Variants in THBS2 observed in about 807,000 individuals in gnomAD.
THBS2 encodes the protein thrombospondin 2.
THBS2 carries 47 observed loss-of-function variants against 135.2 expected under a neutral mutation model. The ratio of observed to expected loss-of-function variants is 0.35; its 90% CI spans 0.28 to 0.44. The LOEUF (loss-of-function observed/expected upper bound fraction) is 0.44, where lower values mean the gene tolerates loss of function less well. Ranked by LOEUF, THBS2 falls within the 20% of genes least tolerant of loss-of-function variation. THBS2 has a pLI of 1.00. For synonymous variants in THBS2, 639 were observed against 633.8 expected, an observed-to-expected ratio of 1.01 and a Z score of -0.12; for missense variants, 1,288 against 1,603.1, an observed-to-expected ratio of 0.80 and a Z score of 3.36.
At chr6:169,219,882 C>A in intron 21 of THBS2, 1 of 572,636 alleles carries the variant, frequency 1.7e-6, no homozygotes, top group Admixed American at 1.9e-5. Flanking sequence ...GGGTACCAAT[C>A]TAAAATGGCG....
chr6:169,248,281 A>T, intron 3 of THBS2, 136 bp downstream of exon 3: 1 of 1,032,112 alleles, frequency 9.7e-7, no homozygotes, highest in Non-Finnish European at 1.4e-6. Flanking sequence ...GTGTGAGCAC[A>T]TGCCGGGATG....
At chr6:169,219,233 GTGGA>G (rs1206102566) in intron 21 of THBS2, among the ~76,000 whole-genome samples, 1 of 126,768 alleles carries the variant, frequency 7.9e-6, no homozygotes, top group African/African-American at 3.0e-5. Context: ...GGGTGGGTGG[GTGGA>G]TGGATTAGAT....
chr6:169,235,865 C>T (rs1160700719), intron 9 of THBS2, among the ~76,000 whole-genome samples: 1 of 121,946 alleles, frequency 8.2e-6, no homozygotes, highest in African/African-American at 3.2e-5. Context: ...CTCCCCTATC[C>T]ACACTCACTC....
intron 7 of THBS2, 142 bp from the exon 8 acceptor site, chr6:169,237,937 G>A: frequency 9.1e-7 from 1 of 1,096,708 alleles, no homozygotes; most frequent in Non-Finnish European, 1.3e-6. Flanking sequence ...TGGGGCAGGT[G>A]GACATCCCAG....
intron 21 of THBS2, among the ~76,000 whole-genome samples, chr6:169,219,355 G>GATGAGATGGATGA (rs1562352310): frequency 7.0e-6 from 1 of 143,204 alleles, no homozygotes; most frequent in Non-Finnish European, 1.5e-5. Flanking sequence ...TGGATGGATG[G>GATGAGATGGATGA]TTGGGTGAAT....
At chr6:169,242,739 A>C (rs1311637418) in intron 4 of THBS2, among the ~76,000 whole-genome samples, 4 of 90,004 alleles carry the variant, frequency 4.4e-5, no homozygotes, top group Non-Finnish European at 4.8e-5. Context: ...CCACCTTCCC[A>C]CCGCTCCCAC....
In THBS2 at chr6:169,252,728, T is replaced by C. The variant is rs1562367198; in HGVS notation, c.-23+996A>G. The stretch of plus-strand genomic sequence containing the variant: ...ATGGATGGAGCCACGGATGAGCCAG[T>C]GCCGCTCACCCCTGCCCCAGCCTCT... On this transcript the variant is annotated intron_variant, in intron 1 of 21. Transcript: ENST00000617924. This position sits in a 1 kb window ranked among gnomAD's most constrained non-coding sequence, Gnocchi z 4.3. Among the ~76,000 whole-genome samples the C allele has an allele frequency of 6.6e-6, 1 of 152,180 alleles. No homozygotes were observed. Among genetic ancestry groups the C allele is most frequent in the Admixed American group, 6.5e-5 (1 of 15,278 alleles).
chr6:169,240,529 C>T lies in THBS2; in HGVS notation c.955G>A (p.Ala319Thr). 6.2e-7 allele frequency: 1 copy of T among 1,614,050 alleles called. No individual in the cohort carries two copies. The highest frequency in any genetic ancestry group is 8.5e-7 in the Non-Finnish European group (1 of 1,180,030). Residue 319 changes from alanine (A) to threonine (T), a missense_variant, in exon 6 of 22, where the codon GCT becomes ACT. Physicochemically the swap from Ala to Thr is moderately conservative, Grantham distance 58. Transcript: ENST00000617924. Reference sequence around the variant, plus strand: ...AAGAACCGGCCATCCTGCCAGCAAGCTGACATGTTCCTTGTCTTAGGAGGG... The same window carrying T: ...AAGAACCGGCCATCCTGCCAGCAAGTTGACATGTTCCTTGTCTTAGGAGGG... The part of the protein sequence containing the change: ...GGPPKTRNMS[A>T]CWQDGRFFAE...
At chr6:169,219,797 C>T (rs923094450) in intron 21 of THBS2, 1 of 523,722 alleles carries the variant, frequency 1.9e-6, no homozygotes, top group Non-Finnish European at 3.8e-6. Flanking sequence ...TTCAAATATA[C>T]CTGTAGCGAG....
intron 10 of THBS2, among the ~76,000 whole-genome samples, chr6:169,233,977 A>C (rs1779944616): frequency 1.4e-5 from 2 of 145,480 alleles, no homozygotes; most frequent in East Asian, 4.1e-4. Flanking sequence ...AACTACATGC[A>C]AGGTGACACA....
chr6:169,216,502 A>C lies in THBS2; in HGVS notation c.*1320T>G, dbSNP rs2114959513. 2 of 97,762 alleles carry C rather than the reference A, an allele frequency of 2.0e-5. No homozygotes were observed. Among genetic ancestry groups the C allele is most frequent in the Middle Eastern group, 0.011 (2 of 178 alleles). The allele number at this position is 97,762 out of a possible 1,614,324, so 6.1% of individuals were successfully genotyped here. On this transcript the variant is annotated 3_prime_UTR_variant, in exon 22 of 22. Transcript: ENST00000617924. Reference sequence around the variant, plus strand: ...ATTATTGGGTGTGCCTGGCAAGACTAAATGCTGATTCTTTTCAGCGTTTGA... The same window carrying C: ...ATTATTGGGTGTGCCTGGCAAGACTCAATGCTGATTCTTTTCAGCGTTTGA...
chr6:169,231,867 C>T, intron 13 of THBS2, 113 bp downstream of exon 13: 2 of 975,558 alleles, frequency 2.1e-6, no homozygotes, highest in Non-Finnish European at 2.9e-6. Context: ...CCTGAGAGAC[C>T]CTCCTTCCAA....
At position 169,248,175 on chromosome 6, in the gene THBS2, TTGTG is replaced by T. The variant is rs141353005; in HGVS notation, c.609+238_609+241del. ...TTCATGTGTTTGTGAGCATGTGTGTTTGTGTGTGTGTGTGGTGTGTGTGCATGTG... is the reference window on the plus strand; with the variant it reads ...TTCATGTGTTTGTGAGCATGTGTGTTTGTGTGTGTGGTGTGTGTGCATGTG... On this transcript the variant is annotated intron_variant, in intron 3 of 21. Coordinates refer to ENST00000617924, the MANE Select transcript of THBS2 (RefSeq NM_003247.5). Among the ~76,000 whole-genome samples the T allele has an allele frequency of 2.9e-3, 432 of 149,600 alleles. 2 individuals are homozygous for T. Among genetic ancestry groups the T allele is most frequent in the Non-Finnish European group, 4.9e-3 (330 of 67,082 alleles).
chr6:169,231,884 T>G, intron 13 of THBS2, 96 bp downstream of exon 13: 3 of 1,351,992 alleles, frequency 2.2e-6, no homozygotes, highest in Non-Finnish European at 2.0e-6. Context: ...CCAAATTCCC[T>G]GTGCTGCCCC....
chr6:169,225,108 A>G (rs2114981153), intron 17 of THBS2, 37 bp downstream of exon 17: 1 of 1,604,230 alleles, frequency 6.2e-7, no homozygotes. Context: ...CTCAGAAGCC[A>G]TTTTCCTCCA....
intron 21 of THBS2, chr6:169,219,673 T>C (rs754624360): frequency 6.2e-5 from 27 of 437,862 alleles, no homozygotes; most frequent in Non-Finnish European, 1.2e-4. Context: ...GTGTGATTCT[T>C]GAGAAGCATC....
Position 169,248,915 on chromosome 6 carries a change from G to A in THBS2, c.111C>T (p.Arg37=), listed in dbSNP as rs775419835. The change falls in exon 3 of 22, where the codon CGC becomes CGT. Residue 37 remains arginine, a synonymous_variant. Coordinates refer to ENST00000617924, the MANE Select transcript of THBS2 (RefSeq NM_003247.5). ...FDLFSISNIN[R]KTIGAKQFRG... ...GGAACTGCTTGGCGCCAATGGTCTT[G>A]CGGTTGATGTTGCTGATACTGAAAA... 1.9e-6 allele frequency: 3 copies of A among 1,613,744 alleles called. No homozygotes were observed. The highest frequency in any genetic ancestry group is 1.1e-5 in the South Asian group (1 of 91,060).
chr6:169,241,063 G>A lies in THBS2; in HGVS notation c.892-471C>T, dbSNP rs539489277. Among the ~76,000 whole-genome samples, 2 of 113,462 alleles carry A rather than the reference G, an allele frequency of 1.8e-5. No homozygotes were observed. Among genetic ancestry groups the A allele is most frequent in the South Asian group, 3.3e-4 (1 of 3,028 alleles). 74.4% of individuals were successfully genotyped at this position (113,462 alleles called of 152,430 possible). A position where few individuals can be genotyped will look rare whatever the true frequency, so the allele number is the denominator to read the frequency against. On this transcript the variant is annotated intron_variant, in intron 5 of 21. Transcript: ENST00000617924. This position sits in a 1 kb window ranked among gnomAD's most constrained non-coding sequence, Gnocchi z 5.5. ...CTGCCCTCGCCGCCCTCCCTGCCCC[G>A]GACTCCTGCCCCTGCCGCCCTCCCT...
chr6:169,234,640 T>A (rs1301812563), intron 10 of THBS2, 94 bp downstream of exon 10: 1 of 1,267,968 alleles, frequency 7.9e-7, no homozygotes, highest in African/African-American at 1.5e-5. Flanking sequence ...GATTTTTCTT[T>A]TCTGTGTTTT....
Sources: allele counts gnomAD v4.1 joint callset (sites outside exome capture counted in the v4.1 genomes callset), GRCh38; gene constraint gnomAD v4.1.1; non-coding constraint Gnocchi (gnomAD v3.1); transcripts MANE v1.5; gene names NCBI Gene and HGNC (gene_info 2026-07-23, HGNC 2026-07-21).